The following CBFA2T2 variants were observed in gnomAD, a reference collection of about 807,000 sequenced individuals.
The protein encoded by CBFA2T2 is CBFA2/RUNX1 partner transcriptional co-repressor 2.
In CBFA2T2, 11 loss-of-function variants were observed where a neutral mutation model predicts 62.2. That is an observed-to-expected ratio of 0.18 (90% confidence interval 0.11 to 0.29). The LOEUF is 0.29. Ranked by LOEUF, CBFA2T2 falls within the 10% of genes least tolerant of loss-of-function variation. The pLI is 1.00. For missense variants in CBFA2T2, 592 were observed against 774.1 expected, an observed-to-expected ratio of 0.76 and a Z score of 2.79; for synonymous variants, 295 against 287.5, an observed-to-expected ratio of 1.03 and a Z score of -0.27.
intron 1 of CBFA2T2, chr20:33,562,443 C>T: frequency 1.0e-6 from 1 of 985,854 alleles, no homozygotes; most frequent in Non-Finnish European, 1.2e-6. Context: ...GCAGGACCTT[C>T]CCATCTGGGA....
Position 33,629,946 on chromosome 20 carries a change from A to G in CBFA2T2, c.1228+32A>G, listed in dbSNP as rs1026542897. On this transcript the variant is annotated intron_variant, in intron 8 of 10. Coordinates refer to ENST00000342704, the MANE Select transcript of CBFA2T2 (RefSeq NM_001032999.3). ...GGAGAGTCTACGGGAAACCCAAAAT[A>G]AATGTCAGCCTTTAGAGCCCACCAA... 2.6e-6 allele frequency: 4 copies of G among 1,561,668 alleles called. No individual in the cohort carries two copies. In the African/African-American group the frequency reaches 4.1e-5, roughly 16 times the overall value.
At chr20:33,642,114 TTTTGTGTGTGTGTGTGTGTGTG>T (rs1241328732) in intron 10 of CBFA2T2, among the ~76,000 whole-genome samples, 4 of 62,866 alleles carry the variant, frequency 6.4e-5, no homozygotes, top group East Asian at 4.1e-4. Context: ...TCTTTTTTTT[TTTTGTGTGTGTGTGTGTGTGTG>T]TGTGTGTGTG....
chr20:33,582,070 A>G (rs2014142401), intron 1 of CBFA2T2, among the ~76,000 whole-genome samples: 1 of 152,158 alleles, frequency 6.6e-6, no homozygotes, highest in Admixed American at 6.5e-5. Context: ...CTTGAGATGT[A>G]CCTTCCTTGA....
chr20:33,614,114 C>CA (rs35963316), intron 3 of CBFA2T2, among the ~76,000 whole-genome samples: 4,432 of 102,256 alleles, frequency 0.043, 149 homozygotes, highest in African/African-American at 0.12. Flanking sequence ...GACTCCGTCT[C>CA]AAAAAAAAAA....
intron 4 of CBFA2T2, among the ~76,000 whole-genome samples, chr20:33,621,459 G>A (rs932062398): frequency 2.0e-5 from 3 of 151,496 alleles, no homozygotes; most frequent in Non-Finnish European, 4.4e-5. Flanking sequence ...ACCACACCCG[G>A]CTAATTTTTG....
At chr20:33,505,841 A>G (rs953646472) in intron 1 of CBFA2T2, among the ~76,000 whole-genome samples, 1 of 152,036 alleles carries the variant, frequency 6.6e-6, no homozygotes, top group African/African-American at 2.4e-5. Context: ...TTGTAATCCT[A>G]ACACTTTGGG....
At chr20:33,643,535 A>G (rs928308688) in intron 10 of CBFA2T2, among the ~76,000 whole-genome samples, 3 of 151,560 alleles carry the variant, frequency 2.0e-5, no homozygotes, top group Admixed American at 6.6e-5. Flanking sequence ...CTTGGGCAAC[A>G]TAGCAAGACC....
At chr20:33,536,977 G>T (rs1336649928) in intron 1 of CBFA2T2, among the ~76,000 whole-genome samples, 1 of 151,240 alleles carries the variant, frequency 6.6e-6, no homozygotes, top group African/African-American at 2.4e-5. Flanking sequence ...GATGGCGGCC[G>T]GGAAGAGGCG....
chr20:33,617,770 AT>A (rs895071703), intron 3 of CBFA2T2, among the ~76,000 whole-genome samples: 5 of 152,184 alleles, frequency 3.3e-5, no homozygotes, highest in South Asian at 2.1e-4. Context: ...CTTTAAAAGA[AT>A]TTTTTTGGTA....
chr20:33,505,248 T>C (rs188039580), intron 1 of CBFA2T2, among the ~76,000 whole-genome samples: 1 of 152,336 alleles, frequency 6.6e-6, no homozygotes, highest in East Asian at 1.9e-4. Flanking sequence ...GTCATCCCAG[T>C]CCTTTCTTTT....
chr20:33,557,307 C>T (rs2012929240), intron 1 of CBFA2T2, among the ~76,000 whole-genome samples: 1 of 152,062 alleles, frequency 6.6e-6, no homozygotes, highest in Non-Finnish European at 1.5e-5. Flanking sequence ...GCCACTGCGC[C>T]CAGCTGTGTG....
At chr20:33,607,316 T>C (rs2015378167) in intron 2 of CBFA2T2, among the ~76,000 whole-genome samples, 1 of 152,240 alleles carries the variant, frequency 6.6e-6, no homozygotes, top group Non-Finnish European at 1.5e-5. Context: ...GTTTAAATAT[T>C]TTGTTTTCAT....
At chr20:33,640,756 T>TAG (rs958222774) in intron 10 of CBFA2T2, among the ~76,000 whole-genome samples, 67 of 151,136 alleles carry the variant, frequency 4.4e-4, no homozygotes, top group African/African-American at 1.3e-3. Context: ...CATATATATA[T>TAG]AGAGAGAGAG....
At chr20:33,631,257 T>C (rs928026463) in intron 8 of CBFA2T2, among the ~76,000 whole-genome samples, 6 of 152,126 alleles carry the variant, frequency 3.9e-5, no homozygotes, top group African/African-American at 1.2e-4. Context: ...GAGCTTGCAG[T>C]GAGCCGAGAT....
intron 7 of CBFA2T2, among the ~76,000 whole-genome samples, chr20:33,629,055 C>T (rs1341051721): frequency 6.6e-6 from 1 of 152,184 alleles, no homozygotes; most frequent in Admixed American, 6.5e-5. Flanking sequence ...CTCTTAAGCC[C>T]AGGAGCCAAG....
intron 1 of CBFA2T2, among the ~76,000 whole-genome samples, chr20:33,565,673 A>G (rs1478372208): frequency 6.6e-6 from 1 of 152,158 alleles, no homozygotes; most frequent in Non-Finnish European, 1.5e-5. Context: ...ACCAAGATAC[A>G]TTTGAGTTGA....
At chr20:33,543,535 A>G (rs2012461104) in intron 1 of CBFA2T2, among the ~76,000 whole-genome samples, 1 of 152,230 alleles carries the variant, frequency 6.6e-6, no homozygotes, top group African/African-American at 2.4e-5. Context: ...AACACGTACT[A>G]GAGAACCTGG....
At chr20:33,576,586 G>C (rs979786250) in intron 1 of CBFA2T2, among the ~76,000 whole-genome samples, 1 of 152,222 alleles carries the variant, frequency 6.6e-6, no homozygotes, top group African/African-American at 2.4e-5. Flanking sequence ...AGATAAGAAG[G>C]TCTTTTTTTC....
At chr20:33,529,634 G>A (rs1327139062) in intron 1 of CBFA2T2, among the ~76,000 whole-genome samples, 3 of 151,108 alleles carry the variant, frequency 2.0e-5, no homozygotes, top group Non-Finnish European at 4.4e-5. Flanking sequence ...CACACCTCAG[G>A]AGGCTGAGAT....
Sources: gnomAD v4.1 joint callset for allele counts (sites outside exome capture counted in the v4.1 genomes callset) on GRCh38, gnomAD v4.1.1 for gene constraint, MANE v1.5 for transcripts, NCBI Gene and HGNC (gene_info 2026-07-23, HGNC 2026-07-21) for gene names.